Variants in TRDN observed in about 807,000 individuals in gnomAD.
TRDN encodes the protein triadin, also known as triadin in skeletal muscle.
TRDN carries 161 observed loss-of-function variants against 149.7 expected under a neutral mutation model. That is an observed-to-expected ratio of 1.08 (90% CI 0.95 to 1.23). The LOEUF (loss-of-function observed/expected upper bound fraction) is 1.23. Among genes scored for constraint, TRDN ranks in the 50% most tolerant of loss-of-function variants. TRDN has a pLI of 0.00. For synonymous variants in TRDN, 294 were observed against 250.5 expected, an observed-to-expected ratio of 1.17 and a Z score of -1.64; for missense variants, 896 against 823.5, an observed-to-expected ratio of 1.09 and a Z score of -1.08.
chr6:123,288,356 C>T (rs941670269), intron 24 of TRDN, among the ~76,000 whole-genome samples: 6 of 151,966 alleles, frequency 3.9e-5, no homozygotes, highest in Non-Finnish European at 8.8e-5. Context: ...TCCAAAAGTA[C>T]AGGCAACAAA....
intron 14 of TRDN, among the ~76,000 whole-genome samples, chr6:123,387,571 A>G (rs1339250620): frequency 1.3e-5 from 2 of 152,154 alleles, no homozygotes; most frequent in Non-Finnish European, 2.9e-5. Flanking sequence ...CGACAGTGAG[A>G]AAGGCAAATG....
chr6:123,548,118 ATAAC>A (rs1471356073), intron 3 of TRDN, among the ~76,000 whole-genome samples: 1 of 151,842 alleles, frequency 6.6e-6, no homozygotes, highest in African/African-American at 2.4e-5. Context: ...AACTTGAAAA[ATAAC>A]TATTTTTTCC....
intron 12 of TRDN, among the ~76,000 whole-genome samples, chr6:123,436,188 C>T (rs965722719): frequency 2.0e-5 from 3 of 152,146 alleles, no homozygotes; most frequent in African/African-American, 7.2e-5. Flanking sequence ...ACCCCTCAAT[C>T]ATGTAATTTT....
At chr6:123,559,298 C>T (rs910857781) in intron 2 of TRDN, among the ~76,000 whole-genome samples, 6 of 152,138 alleles carry the variant, frequency 3.9e-5, no homozygotes, top group Non-Finnish European at 7.3e-5. Context: ...GCTTCTAAAC[C>T]TCTTAAAACT....
intron 5 of TRDN, chr6:123,529,194 A>G (rs1780093890): frequency 3.9e-6 from 6 of 1,547,552 alleles, no homozygotes; most frequent in South Asian, 1.2e-5. Context: ...ATGGTGTGGA[A>G]CCAGTTGAGT....
In TRDN at chr6:123,217,211, T is replaced by C. The variant is rs1198554596; in HGVS notation, c.*1390A>G. 1 of 152,000 alleles carries C rather than the reference T, an allele frequency of 6.6e-6. No homozygotes were observed. Among genetic ancestry groups the C allele is most frequent in the East Asian group, 1.9e-4 (1 of 5,164 alleles). 9.4% of individuals were successfully genotyped at this position (152,000 alleles called of 1,614,324 possible). On this transcript the variant is annotated 3_prime_UTR_variant, in exon 41 of 41. Transcript: ENST00000334268. ...GTCTCCAAAAATGCATTATTAGTAA[T>C]GAATGTATTACTGATACCTAGCCTA...
chr6:123,527,285 A>G (rs548845530), intron 5 of TRDN, among the ~76,000 whole-genome samples: 1 of 152,114 alleles, frequency 6.6e-6, no homozygotes, highest in East Asian at 1.9e-4. Context: ...GACAAATAAC[A>G]TTCTCTTTAA....
chr6:123,607,380 T>C (rs1398714822), intron 1 of TRDN, among the ~76,000 whole-genome samples: 5 of 152,200 alleles, frequency 3.3e-5, no homozygotes, highest in African/African-American at 1.2e-4. Flanking sequence ...GATATATGCC[T>C]ATGAAGAAAC....
chr6:123,513,616 T>C (rs909658198), intron 6 of TRDN, among the ~76,000 whole-genome samples: 3 of 152,018 alleles, frequency 2.0e-5, no homozygotes, highest in Non-Finnish European at 4.4e-5. Context: ...GATGGCTATA[T>C]TGAAGTTCAT....
At chr6:123,419,932 T>A (rs1365524401) in intron 12 of TRDN, among the ~76,000 whole-genome samples, 2 of 152,186 alleles carry the variant, frequency 1.3e-5, no homozygotes, top group Admixed American at 1.3e-4. Flanking sequence ...AACAAATGAA[T>A]GTGTGCACTT....
intron 30 of TRDN, 96 bp downstream of exon 30, chr6:123,271,039 CTGTG>C (rs35914221): frequency 5.4e-4 from 228 of 420,100 alleles, no homozygotes; most frequent in Non-Finnish European, 7.3e-4. Flanking sequence ...CAGTGAAGGG[CTGTG>C]TGTGTGTGTG....
Position 123,218,738 on chromosome 6 carries a change from G to A in TRDN, c.2053C>T (p.Pro685Ser), listed in dbSNP as rs1423984570. The change falls in exon 41 of 41, where the codon CCC becomes TCC. Residue 685 changes from proline to serine, a missense_variant and splice_region_variant. Transcript: ENST00000334268. ...EDVSPTKQKS[P>S]ISFFQCVYLD... Reference sequence around the variant, plus strand: ...TAGACACACTGGAAGAAACTGATGGGACCTAAGGAACAGAGCATGACAGTT... The same window carrying A: ...TAGACACACTGGAAGAAACTGATGGAACCTAAGGAACAGAGCATGACAGTT... 1.3e-6 allele frequency: 2 copies of A among 1,566,750 alleles called. No individual in the cohort carries two copies. Among genetic ancestry groups the A allele is most frequent in the East Asian group, 2.3e-5 (1 of 42,912 alleles).
At chr6:123,295,589 G>T (rs1034511360) in intron 24 of TRDN, among the ~76,000 whole-genome samples, 11 of 152,056 alleles carry the variant, frequency 7.2e-5, no homozygotes, top group Non-Finnish European at 1.6e-4. Flanking sequence ...GAGGTGATAG[G>T]TATCTTAATT....
intron 5 of TRDN, among the ~76,000 whole-genome samples, chr6:123,517,659 AG>A (rs1298602981): frequency 6.6e-6 from 1 of 152,110 alleles, no homozygotes; most frequent in African/African-American, 2.4e-5. Flanking sequence ...TAGCTCCACA[AG>A]CACACCACAT....
intron 1 of TRDN, among the ~76,000 whole-genome samples, chr6:123,596,599 C>T (rs1351538804): frequency 1.3e-5 from 2 of 152,072 alleles, no homozygotes; most frequent in East Asian, 3.9e-4. Context: ...GACAGGCTAA[C>T]TCTATCATTA....
intron 9 of TRDN, among the ~76,000 whole-genome samples, chr6:123,485,890 T>C (rs2114782401): frequency 6.6e-6 from 1 of 152,236 alleles, no homozygotes; most frequent in East Asian, 1.9e-4. Flanking sequence ...TTCCATGGCT[T>C]CAACCATTTT....
chr6:123,254,432 C>T (rs1281003288), intron 37 of TRDN, among the ~76,000 whole-genome samples: 2 of 152,070 alleles, frequency 1.3e-5, no homozygotes, highest in East Asian at 1.9e-4. Context: ...TATGTATTTG[C>T]TATGAATGAA....
intron 1 of TRDN, among the ~76,000 whole-genome samples, chr6:123,608,047 A>G (rs1562423244): frequency 6.6e-6 from 1 of 152,048 alleles, no homozygotes; most frequent in Non-Finnish European, 1.5e-5. Context: ...GGTGTCAACT[A>G]TACTCCAAAA....
intron 13 of TRDN, among the ~76,000 whole-genome samples, chr6:123,392,257 G>A (rs1361654034): frequency 2.0e-5 from 3 of 152,016 alleles, no homozygotes; most frequent in African/African-American, 7.2e-5. Context: ...GTAGTTTAAA[G>A]AGCCCATGGC....
Sources: allele counts gnomAD v4.1 joint callset (sites outside exome capture counted in the v4.1 genomes callset), GRCh38; gene constraint gnomAD v4.1.1; transcripts MANE v1.5; gene names NCBI Gene and HGNC (gene_info 2026-07-23, HGNC 2026-07-21).